The following FLT3 variants were observed in gnomAD, a reference collection of about 807,000 sequenced individuals.
FLT3 encodes receptor-type tyrosine-protein kinase FLT3.
Under a neutral mutation model 126.6 loss-of-function variants are expected in FLT3, and 46 were observed. That is an observed-to-expected ratio of 0.36 (90% confidence interval 0.29 to 0.46). The LOEUF (loss-of-function observed/expected upper bound fraction) is 0.46. Among genes scored for constraint, FLT3 ranks in the 20% least tolerant of loss-of-function variants. The probability of loss-of-function intolerance (pLI) is 1.00; values close to 1 mark genes in which losing one functional copy is unlikely to be tolerated. For missense variants in FLT3, 1,069 were observed against 1,190.3 expected (o/e 0.90, Z 1.50); for synonymous variants, 404 against 434.4 (o/e 0.93, Z 0.87).
intron 1 of FLT3, among the ~76,000 whole-genome samples, chr13:28,082,014 C>T (rs1878357499): frequency 6.6e-6 from 1 of 151,262 alleles, no homozygotes; most frequent in Non-Finnish European, 1.5e-5. Flanking sequence ...CACCATCATG[C>T]CCGGCTAATT....
intron 1 of FLT3, among the ~76,000 whole-genome samples, chr13:28,090,035 C>T (rs996950562): frequency 6.6e-6 from 1 of 151,530 alleles, no homozygotes; most frequent in Non-Finnish European, 1.5e-5. Context: ...GCTACTGCGC[C>T]CCGCCGTGAG....
At chr13:28,008,508 T>A (rs1469812686) in intron 23 of FLT3, among the ~76,000 whole-genome samples, 4 of 151,988 alleles carry the variant, frequency 2.6e-5, no homozygotes, top group Non-Finnish European at 4.4e-5. Context: ...AGAGTTTCGT[T>A]CTGTTTGCAC....
At chr13:28,034,482 T>A in intron 12 of FLT3, 75 bp from the exon 13 acceptor site, 1 of 1,043,524 alleles carries the variant, frequency 9.6e-7, no homozygotes, top group Non-Finnish European at 1.5e-6. Context: ...CAACTCATTA[T>A]AATCTCTCAC....
chr13:28,084,098 C>A (rs1299021322), intron 1 of FLT3, among the ~76,000 whole-genome samples: 1 of 151,800 alleles, frequency 6.6e-6, no homozygotes, highest in Non-Finnish European at 1.5e-5. Context: ...CTCAAATGAT[C>A]ATCCCACATC....
intron 1 of FLT3, among the ~76,000 whole-genome samples, chr13:28,091,276 C>T (rs940338547): frequency 1.3e-4 from 15 of 112,854 alleles, no homozygotes; most frequent in East Asian, 8.9e-4. Context: ...GGCTGGAGTG[C>T]AGTGGCGCGA....
At chr13:28,055,557 A>T (rs1875930319) in intron 4 of FLT3, among the ~76,000 whole-genome samples, 2 of 152,248 alleles carry the variant, frequency 1.3e-5, no homozygotes, top group Admixed American at 1.3e-4. Flanking sequence ...GTGGTTGACT[A>T]AACCCTTTCC....
At position 28,004,098 on chromosome 13, in the gene FLT3, ATC is replaced by A. The variant is rs781732167; in HGVS notation, c.2934_2935del (p.Glu978AspfsTer35). 5 of 1,613,902 alleles carry A rather than the reference ATC, an allele frequency of 3.1e-6. No individual in the cohort carries two copies. The African/African-American group carries it at 5.3e-5, about 17-fold the overall frequency. On this transcript the variant is annotated frameshift_variant, in exon 24 of 24. Transcript: ENST00000241453. LOFTEE classifies it low-confidence loss of function (END_TRUNC). ...CTGCGGAGAGAGTAGCCCCAAATCC[ATC>A]TCTCTGCTGAAAGGTCGCCTGTTTT...
chr13:28,033,893 G>T lies in FLT3; in HGVS notation c.1936C>A (p.Leu646Met), dbSNP rs2137672296. Residue 646 changes from leucine to methionine, a missense_variant, in exon 15 of 24, where the codon CTG (leucine) becomes ATG (methionine). Transcript: ENST00000241453. ...GVSIQVAVKM[L>M]KEKADSSERE... ...TCCTTCCACTATACTGTACCTTTCA[G>T]CATTTTGACGGCAACCTGGATTGAG... is the stretch of plus-strand genomic sequence containing the variant. 6.2e-7 allele frequency: 1 copy of T among 1,613,072 alleles called. No individual in the cohort carries two copies. The highest frequency in any genetic ancestry group is 8.5e-7 in the Non-Finnish European group (1 of 1,179,040).
intron 17 of FLT3, among the ~76,000 whole-genome samples, chr13:28,026,244 G>A (rs543643833): frequency 2.6e-5 from 4 of 151,668 alleles, no homozygotes; most frequent in African/African-American, 4.9e-5. Context: ...CAGCTACTCG[G>A]GAGGCTGAGG....
At chr13:28,051,767 C>T (rs554728915) in intron 5 of FLT3, among the ~76,000 whole-genome samples, 7 of 149,552 alleles carry the variant, frequency 4.7e-5, no homozygotes, top group Non-Finnish European at 7.4e-5. Flanking sequence ...AGGATGATCT[C>T]GATCTCCTGA....
chr13:28,057,369 T>A lies in FLT3; in HGVS notation c.462A>T (p.Ile154=), dbSNP rs750088860. Residue 154 remains isoleucine, a synonymous_variant, in exon 4 of 24, where the codon ATA becomes ATT. Coordinates refer to ENST00000241453, the MANE Select transcript of FLT3 (RefSeq NM_004119.3). Reference sequence around the variant, plus strand: ...TACTTCTTATACTCACTGTAAACAATATTGTGTAATTGGTAGCTTCACTCT... The same window carrying A: ...TACTTCTTATACTCACTGTAAACAAAATTGTGTAATTGGTAGCTTCACTCT... ...FIQSEATNYT[I]LFTVSIRNTL... 1 of 1,479,362 alleles carries A rather than the reference T, an allele frequency of 6.8e-7. No individual in the cohort carries two copies. Among genetic ancestry groups the A allele is most frequent in the East Asian group, 2.3e-5 (1 of 44,260 alleles). The allele number at this position is 1,479,362 out of a possible 1,614,324, so 91.6% of individuals were successfully genotyped here. A position where few individuals can be genotyped will look rare whatever the true frequency, so the allele number is the denominator to read the frequency against.
At chr13:28,033,345 T>G (rs772983812) in intron 15 of FLT3, among the ~76,000 whole-genome samples, 6 of 151,914 alleles carry the variant, frequency 3.9e-5, no homozygotes, top group Non-Finnish European at 7.4e-5. Flanking sequence ...CTGTGGCAAC[T>G]GTATCCCCAA....
At chr13:28,077,401 T>A (rs1270936293) in intron 1 of FLT3, among the ~76,000 whole-genome samples, 1 of 151,712 alleles carries the variant, frequency 6.6e-6, no homozygotes, top group Non-Finnish European at 1.5e-5. Flanking sequence ...AAGAGAAAAA[T>A]GAGGAAGCAG....
chr13:28,067,746 G>A (rs1227522812), intron 2 of FLT3: 10 of 162,090 alleles, frequency 6.2e-5, no homozygotes, highest in Non-Finnish European at 1.1e-4. Flanking sequence ...CACAAGCTGT[G>A]AAAAGTCCAG....
At chr13:28,021,752 T>C (rs1302433147) in intron 19 of FLT3, among the ~76,000 whole-genome samples, 1 of 151,766 alleles carries the variant, frequency 6.6e-6, no homozygotes, top group Non-Finnish European at 1.5e-5. Flanking sequence ...AATTAATTTT[T>C]TTTTTTTTGA....
At position 28,005,625 on chromosome 13, in the gene FLT3, AC is replaced by A. The variant is rs1870815879; in HGVS notation, c.2860-1452del. Reference sequence around the variant, plus strand: ...TTATACGAAACAAACTGAAAAGTGCACACTCAATCTAGTCTGACGTTGGGAT... The same window carrying A: ...TTATACGAAACAAACTGAAAAGTGCAACTCAATCTAGTCTGACGTTGGGAT... On this transcript the variant is annotated intron_variant, in intron 23 of 23. Coordinates refer to ENST00000241453, the MANE Select transcript of FLT3 (RefSeq NM_004119.3). Among the ~76,000 whole-genome samples, 2 of 152,140 alleles carry A rather than the reference AC, an allele frequency of 1.3e-5. 1 individual carries two copies. The highest frequency in any genetic ancestry group is 4.1e-4 in the South Asian group (2 of 4,830).
intron 18 of FLT3, among the ~76,000 whole-genome samples, chr13:28,024,581 A>G (rs894711511): frequency 1.3e-5 from 2 of 152,198 alleles, no homozygotes; most frequent in Non-Finnish European, 2.9e-5. Flanking sequence ...ATTCTATGTA[A>G]CTTCGGAACT....
intron 2 of FLT3, among the ~76,000 whole-genome samples, chr13:28,065,719 T>C (rs1270041723): frequency 7.0e-6 from 1 of 142,180 alleles, no homozygotes; most frequent in South Asian, 2.2e-4. Context: ...TCCCAGCACT[T>C]TGGGAGGCTG....
At chr13:28,084,288 G>T (rs1009814541) in intron 1 of FLT3, among the ~76,000 whole-genome samples, 1 of 151,820 alleles carries the variant, frequency 6.6e-6, no homozygotes, top group African/African-American at 2.4e-5. Flanking sequence ...CTACTGTACT[G>T]GCCTCTTTCT....
Sources: gnomAD v4.1 joint callset for allele counts (sites outside exome capture counted in the v4.1 genomes callset) on GRCh38, gnomAD v4.1.1 for gene constraint, MANE v1.5 for transcripts, NCBI Gene and HGNC (gene_info 2026-07-23, HGNC 2026-07-21) for gene names.